POU2F1: variants seen among roughly 807,000 people sequenced by gnomAD.
POU2F1 encodes the protein POU class 2 homeobox 1.
A neutral mutation model predicts 84.9 loss-of-function variants in POU2F1; 16 were observed. The observed-to-expected ratio is 0.19, with a 90% CI of 0.13 to 0.29. POU2F1 has a LOEUF of 0.29. POU2F1 is among the 10% of genes least tolerant of loss of function. The probability of loss-of-function intolerance (pLI) is 1.00; values close to 1 mark genes in which losing one functional copy is unlikely to be tolerated. For synonymous variants in POU2F1, 368 were observed against 368.3 expected (o/e 1.00, Z 0.01); for missense variants, 738 against 942.6 (o/e 0.78, Z 2.84).
chr1:167,371,654 G>C (rs992546045), intron 4 of POU2F1, among the ~76,000 whole-genome samples: 24 of 152,130 alleles, frequency 1.6e-4, no homozygotes, highest in African/African-American at 5.8e-4. Flanking sequence ...TGAGGAATTG[G>C]GGGCTATGAA....
At chr1:167,356,261 C>T (rs1391244296) in intron 2 of POU2F1, among the ~76,000 whole-genome samples, 3 of 150,144 alleles carry the variant, frequency 2.0e-5, no homozygotes, top group Admixed American at 6.6e-5. Flanking sequence ...CCCTGGCTCA[C>T]GCCTGCTAGG....
chr1:167,253,592 A>T (rs1650903821), intron 1 of POU2F1, among the ~76,000 whole-genome samples: 1 of 151,696 alleles, frequency 6.6e-6, no homozygotes, highest in African/African-American at 2.4e-5. Context: ...CGCCTGGTTA[A>T]TTTTTTGTAT....
intron 1 of POU2F1, among the ~76,000 whole-genome samples, chr1:167,235,326 T>C (rs190582539): frequency 8.5e-5 from 13 of 152,362 alleles, no homozygotes; most frequent in South Asian, 2.1e-4. Flanking sequence ...TGTACACTTA[T>C]ATGCCAATCA....
At chr1:167,265,121 A>G (rs990278073) in intron 1 of POU2F1, among the ~76,000 whole-genome samples, 3 of 152,316 alleles carry the variant, frequency 2.0e-5, no homozygotes, top group South Asian at 2.1e-4. Context: ...GTACTGATCT[A>G]TTCTCAGGAT....
chr1:167,236,447 T>C (rs1649462478), intron 1 of POU2F1, among the ~76,000 whole-genome samples: 1 of 152,200 alleles, frequency 6.6e-6, no homozygotes, highest in Non-Finnish European at 1.5e-5. Context: ...TACTAAATTT[T>C]ATTAAATATA....
chr1:167,231,463 A>T (rs2102341408), intron 1 of POU2F1, among the ~76,000 whole-genome samples: 1 of 152,308 alleles, frequency 6.6e-6, no homozygotes, highest in South Asian at 2.1e-4. Context: ...TCCTATTAGA[A>T]TGCGAATGAA....
At chr1:167,293,817 A>C (rs1654093813) in intron 1 of POU2F1, among the ~76,000 whole-genome samples, 1 of 152,206 alleles carries the variant, frequency 6.6e-6, no homozygotes, top group African/African-American at 2.4e-5. Context: ...ATGTATAACC[A>C]ACCTGATCTT....
rs1394504321 is a variant in POU2F1 at position 167,419,697 on chromosome 1, A to G, written c.*3887A>G. ...TTAGAATTAAGAATTGTGTATATCC[A>G]TTAACTGATATAATTCACATGTCCT... On this transcript the variant is annotated 3_prime_UTR_variant, in exon 16 of 16. Coordinates refer to ENST00000367866, the MANE Select transcript of POU2F1 (RefSeq NM_002697.4). 5 of 152,232 alleles carry G rather than the reference A, an allele frequency of 3.3e-5. No individual in the cohort carries two copies. The highest frequency in any genetic ancestry group is 5.9e-5 in the Non-Finnish European group (4 of 68,042). 9.4% of individuals were successfully genotyped at this position (152,232 alleles called of 1,614,324 possible). A position where few individuals can be genotyped will look rare whatever the true frequency, so the allele number is the denominator to read the frequency against.
At chr1:167,362,885 A>G (rs931126580) in intron 2 of POU2F1, among the ~76,000 whole-genome samples, 4 of 152,180 alleles carry the variant, frequency 2.6e-5, no homozygotes, top group African/African-American at 9.7e-5. Flanking sequence ...TTTGTGTATC[A>G]AAGACATGCT....
intron 1 of POU2F1, among the ~76,000 whole-genome samples, chr1:167,263,968 C>T (rs1286475331): frequency 2.0e-5 from 3 of 152,114 alleles, no homozygotes; most frequent in Non-Finnish European, 4.4e-5. Flanking sequence ...TGCTATGTGC[C>T]AGGTATTGTG....
chr1:167,399,617 T>A (rs1440162374), intron 12 of POU2F1, among the ~76,000 whole-genome samples: 1 of 152,140 alleles, frequency 6.6e-6, no homozygotes, highest in Non-Finnish European at 1.5e-5. Context: ...GGGTGAAATC[T>A]CGTGTTGTTA....
chr1:167,229,534 T>C (rs781506965), intron 1 of POU2F1, among the ~76,000 whole-genome samples: 6 of 152,212 alleles, frequency 3.9e-5, no homozygotes, highest in South Asian at 2.1e-4. Flanking sequence ...ATTCTAGATA[T>C]CTCATTTTGG....
chr1:167,400,246 C>A (rs1317468787), intron 12 of POU2F1, among the ~76,000 whole-genome samples: 1 of 151,732 alleles, frequency 6.6e-6, no homozygotes, highest in South Asian at 2.1e-4. Context: ...CCTCAGCCTC[C>A]CAAAGTCCCA....
At chr1:167,266,097 C>A (rs553476876) in intron 1 of POU2F1, among the ~76,000 whole-genome samples, 535 of 152,322 alleles carry the variant, frequency 3.5e-3, no homozygotes, top group Non-Finnish European at 5.8e-3. Flanking sequence ...CAATAGTTCT[C>A]TTGGGAAGAG....
chr1:167,363,981 G>A (rs1659505612), intron 2 of POU2F1, among the ~76,000 whole-genome samples: 1 of 152,230 alleles, frequency 6.6e-6, no homozygotes, highest in South Asian at 2.1e-4. Flanking sequence ...GCACATGTAA[G>A]TGTAAGGATG....
At chr1:167,334,820 ATTC>A (rs1557902680) in intron 2 of POU2F1, among the ~76,000 whole-genome samples, 1 of 152,216 alleles carries the variant, frequency 6.6e-6, no homozygotes, top group East Asian at 1.9e-4. Flanking sequence ...TTAGTTAACT[ATTC>A]TTTTTTTGGT....
chr1:167,389,803 G>A, intron 9 of POU2F1, 42 bp downstream of exon 9: 1 of 1,585,118 alleles, frequency 6.3e-7, no homozygotes, highest in South Asian at 1.1e-5. Context: ...TCCTTGGCTG[G>A]GTCCAAATAC....
chr1:167,281,971 C>T (rs1653174161), intron 1 of POU2F1, among the ~76,000 whole-genome samples: 1 of 151,914 alleles, frequency 6.6e-6, no homozygotes, highest in Non-Finnish European at 1.5e-5. Flanking sequence ...AGTACCAAGG[C>T]TTCCTTCTTT....
chr1:167,384,055 C>A, intron 8 of POU2F1, 104 bp downstream of exon 8: 1 of 933,194 alleles, frequency 1.1e-6, no homozygotes, highest in Non-Finnish European at 1.5e-6. Flanking sequence ...ATAATTCGGT[C>A]TTCGAAAACT....
Sources: gnomAD v4.1 joint callset for allele counts (sites outside exome capture counted in the v4.1 genomes callset) on GRCh38, gnomAD v4.1.1 for gene constraint, MANE v1.5 for transcripts, NCBI Gene and HGNC (gene_info 2026-07-23, HGNC 2026-07-21) for gene names.